SLC38A5: variants seen among roughly 807,000 people sequenced by gnomAD.
The protein encoded by SLC38A5 is sodium-coupled neutral amino acid transporter 5.
In SLC38A5, 9 loss-of-function variants were observed where a neutral mutation model predicts 34.6. The observed-to-expected ratio is 0.26, with a 90% confidence interval of 0.16 to 0.45. The LOEUF is 0.45. SLC38A5 is among the 20% of genes least tolerant of loss of function. SLC38A5 has a pLI of 1.00. For synonymous variants in SLC38A5, 157 were observed against 155.6 expected (o/e 1.01, Z -0.07); for missense variants, 253 against 394.7 (o/e 0.64, Z 3.04).
At chrX:48,468,047 C>A in intron 2 of SLC38A5, 122 bp from the exon 3 acceptor site, 1 of 829,784 alleles carries the variant, frequency 1.2e-6, no homozygotes, top group South Asian at 2.6e-5. Flanking sequence ...GAGAAAGAGA[C>A]AAGGCAGGGG....
chrX:48,468,786 G>A (rs1377968634), intron 2 of SLC38A5: 3 of 650,844 alleles, frequency 4.6e-6, no homozygotes, highest in Non-Finnish European at 5.4e-6. Context: ...CTAGGTGTGG[G>A]GTGTGGGGTG....
chrX:48,468,983 C>T (rs1261389065), intron 2 of SLC38A5: 12 of 751,296 alleles, frequency 1.6e-5, no homozygotes, highest in African/African-American at 2.3e-5. Context: ...AGCTCCCTCC[C>T]GCGCTTACTC....
Position 48,458,671 on chromosome X carries a change from C to CCTCCTT in SLC38A5, c.*261_*262insAAGGAG. 1 of 970,167 alleles carries CCTCCTT rather than the reference C, an allele frequency of 1.0e-6. No individual in the cohort carries two copies. The highest frequency in any genetic ancestry group is 1.3e-6 in the Non-Finnish European group (1 of 773,576). The allele number at this position is 970,167 out of a possible 1,213,427, so 80.0% of individuals were successfully genotyped here. A position where few individuals can be genotyped will look rare whatever the true frequency, so the allele number is the denominator to read the frequency against. On this transcript the variant is annotated 3_prime_UTR_variant, in exon 17 of 17. Transcript: ENST00000620913. Reference sequence around the variant, plus strand: ...CACCAGGACCTGGCCTCCTCCTCCTCCTCCTCCTCCTCCTCCTCCTCCTCT... The same window carrying CCTCCTT: ...CACCAGGACCTGGCCTCCTCCTCCTCCTCCTTCTCCTCCTCCTCCTCCTCCTCCTCT...
intron 12 of SLC38A5, 60 bp from the exon 13 acceptor site, chrX:48,461,146 T>C: frequency 1.0e-6 from 1 of 994,416 alleles, no homozygotes; most frequent in Non-Finnish European, 1.4e-6. Flanking sequence ...CCCAGGTCCC[T>C]CAAAGCCAGC....
intron 2 of SLC38A5, 83 bp from the exon 3 acceptor site, chrX:48,468,008 G>A (rs782663540): frequency 8.0e-5 from 74 of 921,179 alleles, no homozygotes; most frequent in Non-Finnish European, 1.1e-4. Context: ...AGGGGGGAGG[G>A]GAGTCCCATA....
chrX:48,465,025 A>G (rs782258539), intron 8 of SLC38A5, among the ~76,000 whole-genome samples: 4 of 111,074 alleles, frequency 3.6e-5, no homozygotes, highest in Non-Finnish European at 7.6e-5. Context: ...GACCAGAGGC[A>G]GAGTTAGCCC....
chrX:48,467,491 C>T (rs1407490102), intron 4 of SLC38A5: 8 of 429,593 alleles, frequency 1.9e-5, no homozygotes, highest in Admixed American at 4.0e-5. Flanking sequence ...GGCCGAAGAG[C>T]GGGTGGGGAG....
Position 48,458,774 on chromosome X carries a change from A to G in SLC38A5, c.*159T>C. 1 of 1,057,237 alleles carries G rather than the reference A, an allele frequency of 9.5e-7. No individual in the cohort carries two copies. The highest frequency in any genetic ancestry group is 1.2e-6 in the Non-Finnish European group (1 of 819,718). 87.1% of individuals were successfully genotyped at this position (1,057,237 alleles called of 1,213,427 possible). On this transcript the variant is annotated 3_prime_UTR_variant, in exon 17 of 17. Coordinates refer to ENST00000620913, the MANE Select transcript of SLC38A5 (RefSeq NM_033518.4). Reference sequence around the variant, plus strand: ...TCCAAGCTTGGCATCCCTGGGGAGGAGGGAAGTGGGCCAGTCTGCAGCCTC... The same window carrying G: ...TCCAAGCTTGGCATCCCTGGGGAGGGGGGAAGTGGGCCAGTCTGCAGCCTC...
rs1602038403 is a variant in SLC38A5 at position 48,469,381 on chromosome X, G to A, written c.-48C>T. 2 of 109,857 alleles carry A rather than the reference G, an allele frequency of 1.8e-5. No individual in the cohort carries two copies. The highest frequency in any genetic ancestry group is 2.9e-4 in the East Asian group (1 of 3,508). 9.1% of individuals were successfully genotyped at this position (109,857 alleles called of 1,213,427 possible). On this transcript the variant is annotated 5_prime_UTR_variant, in exon 2 of 17. Coordinates refer to ENST00000620913, the MANE Select transcript of SLC38A5 (RefSeq NM_033518.4). Reference sequence around the variant, plus strand: ...GTGGCCGCAACTCAGACTCAGGTTCGGGCACCCTCTCGGCTGCCTAGGCTC... The same window carrying A: ...GTGGCCGCAACTCAGACTCAGGTTCAGGCACCCTCTCGGCTGCCTAGGCTC...
chrX:48,462,359 C>T (rs1000302848), intron 9 of SLC38A5, 68 bp from the exon 10 acceptor site: 38 of 1,100,053 alleles, frequency 3.5e-5, no homozygotes, highest in African/African-American at 7.3e-5. Flanking sequence ...ATAATCCTAG[C>T]GCTTTGGGAG....
intron 8 of SLC38A5, 83 bp from the exon 9 acceptor site, chrX:48,463,063 G>A: frequency 9.3e-6 from 7 of 752,333 alleles, no homozygotes; most frequent in Non-Finnish European, 1.4e-5. Context: ...AGCTGGACAG[G>A]CAGCTTTCTG....
At chrX:48,461,603 A>G in intron 12 of SLC38A5, 115 bp downstream of exon 12, 1 of 808,032 alleles carries the variant, frequency 1.2e-6, no homozygotes, top group Non-Finnish European at 1.8e-6. Flanking sequence ...CTCCCATGAC[A>G]CAACCTAGCT....
rs1556961396 is a variant in SLC38A5, at chrX:48,459,637, A to T, written c.1216T>A (p.Ser406Thr). The T allele has an allele frequency of 5.2e-6, 6 of 1,162,576 alleles. No homozygotes were observed. In the South Asian group the frequency reaches 1.2e-4, roughly 24 times the overall value. ...AAGATGAGGCTGGGGGCTGAGGTGG[A>T]CCCTGGAGAACAAGAAGAAGGGACA... ...TIRDIFGVIG[S>T]TSAPSLIFIL... The change falls in exon 16 of 17, where the codon TCC becomes ACC. Residue 406 changes from serine to threonine, a missense_variant and splice_region_variant. Coordinates refer to ENST00000620913, the MANE Select transcript of SLC38A5 (RefSeq NM_033518.4).
Sources: allele counts gnomAD v4.1 joint callset (sites outside exome capture counted in the v4.1 genomes callset), GRCh38; gene constraint gnomAD v4.1.1; transcripts MANE v1.5; gene names NCBI Gene and HGNC (gene_info 2026-07-23, HGNC 2026-07-21).